The following SI variants were observed in gnomAD, a reference collection of about 807,000 sequenced individuals.
The protein encoded by SI is sucrase-isomaltase.
Under a neutral mutation model 253.3 loss-of-function variants are expected in SI, and 235 were observed. The ratio of observed to expected loss-of-function variants is 0.93; its 90% CI spans 0.83 to 1.03. SI has a LOEUF of 1.03. Ranked by LOEUF, SI falls within the 50% of genes least tolerant of loss-of-function variation. The probability of loss-of-function intolerance (pLI) is 0.00; values close to 1 mark genes in which losing one functional copy is unlikely to be tolerated. For missense variants in SI, 2,442 were observed against 2,211.1 expected (o/e 1.10, Z -2.09); for synonymous variants, 819 against 712.0 (o/e 1.15, Z -2.39).
At position 164,984,481 on chromosome 3, in the gene SI, C is replaced by T. The variant is rs552392300; in HGVS notation, c.5198-1430G>A. Among the ~76,000 whole-genome samples the T allele has an allele frequency of 9.9e-5, 15 of 152,004 alleles. No individual in the cohort carries two copies. In the East Asian group the frequency reaches 2.7e-3, roughly 27 times the overall value. ...CAATTACAACTTAAGTTTTCATGAA[C>T]AATCTTTTAAGTATAGAATTCTGAG... On this transcript the variant is annotated intron_variant, in intron 45 of 47. Transcript: ENST00000264382.
At chr3:165,038,940 T>G (rs1282743096) in intron 20 of SI, 138 bp downstream of exon 20, 1 of 583,388 alleles carries the variant, frequency 1.7e-6, no homozygotes, top group African/African-American at 1.9e-5. Flanking sequence ...AGTCTGAAAT[T>G]ATTATTTTTT....
chr3:164,998,233 CT>C (rs1718104831), intron 38 of SI, among the ~76,000 whole-genome samples: 1 of 151,680 alleles, frequency 6.6e-6, no homozygotes, highest in African/African-American at 2.4e-5. Context: ...TCTAGAATTT[CT>C]ATTCATTTCT....
intron 46 of SI, 108 bp from the exon 47 acceptor site, chr3:164,982,518 G>A (rs570560025): frequency 2.5e-6 from 2 of 796,730 alleles, no homozygotes; most frequent in South Asian, 3.1e-5. Context: ...ATAATAAATT[G>A]TTTATTTGTG....
At chr3:165,063,595 AGAT>A in intron 7 of SI, 54 bp from the exon 8 acceptor site, 1 of 792,790 alleles carries the variant, frequency 1.3e-6, no homozygotes, top group Non-Finnish European at 2.2e-6. Flanking sequence ...AAACACAAAA[AGAT>A]TATATATTTT....
chr3:165,012,963 G>C lies in SI; in HGVS notation c.4062+17C>G, dbSNP rs1718837805. On this transcript the variant is annotated intron_variant, in intron 34 of 47. Transcript: ENST00000264382. ...TGAATTTCTTCTCATTGTATAGTTA[G>C]CCCGTGTAAAACTTACATTAACAGC... 1 of 1,501,874 alleles carries C rather than the reference G, an allele frequency of 6.7e-7. No individual in the cohort carries two copies. The highest frequency in any genetic ancestry group is 1.1e-5 in the South Asian group (1 of 88,728). The allele number at this position is 1,501,874 out of a possible 1,614,324, so 93.0% of individuals were successfully genotyped here.
chr3:165,078,519 A>G (rs1715148609), upstream of SI: 1 of 152,016 alleles, frequency 6.6e-6, no homozygotes, highest in Admixed American at 6.6e-5. Flanking sequence ...CTGCTTAGGT[A>G]TATATTGACC....
upstream of SI, among the ~76,000 whole-genome samples, chr3:165,079,999 G>A (rs893521692): frequency 1.3e-5 from 2 of 151,854 alleles, no homozygotes; most frequent in Admixed American, 1.3e-4. Context: ...AGTAAATATA[G>A]ACAAGCTGAT....
chr3:165,046,998 A>T lies in SI; in HGVS notation c.1730T>A (p.Val577Asp). Residue 577 changes from valine to aspartate, a missense_variant, in exon 16 of 48, where the codon GTT becomes GAT. Val to Asp is a radical substitution (Grantham distance 152, BLOSUM62 -3). Transcript: ENST00000264382. Reference protein sequence around the residue: ...AIATEQAVQKVFPNKRSFILT... With the variant: ...AIATEQAVQKDFPNKRSFILT... ...AATGAAGCTTCTCTTATTAGGAAAA[A>T]CTTTTTGTACAGCTCTAAAAATAAA... 1 of 1,605,600 alleles carries T rather than the reference A, an allele frequency of 6.2e-7. No homozygotes were observed. Among genetic ancestry groups the T allele is most frequent in the Middle Eastern group, 1.7e-4 (1 of 6,008 alleles).
At chr3:165,049,030 A>G (rs1468427939) in intron 15 of SI, 97 bp downstream of exon 15, 9 of 792,906 alleles carry the variant, frequency 1.1e-5, no homozygotes, top group Non-Finnish European at 1.8e-5. Flanking sequence ...TCTTTTTTCA[A>G]CTTTGCTATT....
At chr3:164,988,396 C>A (rs927315048) in intron 44 of SI, among the ~76,000 whole-genome samples, 28 of 152,182 alleles carry the variant, frequency 1.8e-4, no homozygotes, top group African/African-American at 5.8e-4. Context: ...CCTGCAATTT[C>A]CCAACATATA....
At chr3:165,045,041 G>C (rs866097097) in intron 16 of SI, among the ~76,000 whole-genome samples, 3 of 151,928 alleles carry the variant, frequency 2.0e-5, no homozygotes, top group Middle Eastern at 3.4e-3. Flanking sequence ...TACATGCATG[G>C]GCCTGTGTCT....
intron 40 of SI, among the ~76,000 whole-genome samples, chr3:164,996,059 C>T (rs982662207): frequency 2.0e-5 from 3 of 151,688 alleles, no homozygotes; most frequent in African/African-American, 7.3e-5. Context: ...TTCTTTCAAA[C>T]GTGGTTCCGT....
intron 16 of SI, among the ~76,000 whole-genome samples, chr3:165,045,908 T>G (rs1285062275): frequency 6.6e-6 from 1 of 150,396 alleles, no homozygotes; most frequent in Non-Finnish European, 1.5e-5. Flanking sequence ...ATCTTGGCTC[T>G]GTGCAACCTC....
At chr3:165,049,564 G>C (rs1049126630) in intron 14 of SI, among the ~76,000 whole-genome samples, 3 of 151,822 alleles carry the variant, frequency 2.0e-5, no homozygotes, top group African/African-American at 7.3e-5. Flanking sequence ...AAACTATATT[G>C]TACATCATAT....
At chr3:165,058,568 AAATC>A (rs1713815751) in intron 12 of SI, among the ~76,000 whole-genome samples, 1 of 151,934 alleles carries the variant, frequency 6.6e-6, no homozygotes. Flanking sequence ...CAAATAAACA[AAATC>A]AGTGATTGAA....
intron 41 of SI, 73 bp downstream of exon 41, chr3:164,994,184 C>T (rs187572096): frequency 8.9e-6 from 12 of 1,350,320 alleles, no homozygotes; most frequent in Admixed American, 8.6e-5. Flanking sequence ...TTATATTGCA[C>T]TATAAGAGAT....
At chr3:165,034,258 T>C (rs944293975) in intron 22 of SI, among the ~76,000 whole-genome samples, 1 of 151,962 alleles carries the variant, frequency 6.6e-6, no homozygotes, top group South Asian at 2.1e-4. Flanking sequence ...CATAGCTACA[T>C]AGGTATCATA....
chr3:165,038,686 A>G (rs974394391), intron 20 of SI, among the ~76,000 whole-genome samples: 1 of 152,054 alleles, frequency 6.6e-6, no homozygotes, highest in Non-Finnish European at 1.5e-5. Context: ...ATTTGAATAT[A>G]CCATATAAAA....
Position 165,069,201 on chromosome 3 carries a change from A to G in SI, c.256-6T>C. The G allele has an allele frequency of 6.4e-7, 1 of 1,574,504 alleles. No homozygotes were observed. Among genetic ancestry groups the G allele is most frequent in the African/African-American group, 1.3e-5 (1 of 74,220 alleles). ...CCTCTCTGTGCACAAATTCCCTGAT[A>G]AAATATTTTTAAAGGAATTATATAA... is the stretch of plus-strand genomic sequence containing the variant. On this transcript the variant is annotated splice_region_variant and splice_polypyrimidine_tract_variant and intron_variant, in intron 3 of 47. Transcript: ENST00000264382.
Sources: allele counts gnomAD v4.1 joint callset (sites outside exome capture counted in the v4.1 genomes callset), GRCh38; gene constraint gnomAD v4.1.1; transcripts MANE v1.5; gene names NCBI Gene and HGNC (gene_info 2026-07-23, HGNC 2026-07-21).